Variants in FREM1 observed in about 807,000 individuals in gnomAD.
The protein encoded by FREM1 is FRAS1-related extracellular matrix protein 1.
Under a neutral mutation model 210.1 loss-of-function variants are expected in FREM1, and 220 were observed. The observed-to-expected ratio is 1.05, with a 90% CI of 0.94 to 1.17. The LOEUF (loss-of-function observed/expected upper bound fraction) is 1.17. FREM1 is among the 50% of genes most tolerant of loss of function. The pLI is 0.00. For missense variants in FREM1, 3,454 were observed against 2,675.5 expected (o/e 1.29, Z -6.42); for synonymous variants, 1,189 against 980.2 (o/e 1.21, Z -3.98).
At chr9:14,803,237 TCTCC>T (rs1330473535) in intron 19 of FREM1, among the ~76,000 whole-genome samples, 2 of 126,420 alleles carry the variant, frequency 1.6e-5, no homozygotes, top group Non-Finnish European at 3.6e-5. Context: ...TTTCTTTCTC[TCTCC>T]TTCCTTCCTC....
chr9:14,875,109 T>C (rs921563896), intron 1 of FREM1, among the ~76,000 whole-genome samples: 1 of 152,230 alleles, frequency 6.6e-6, no homozygotes, highest in Non-Finnish European at 1.5e-5. Flanking sequence ...CATTTTTTCC[T>C]TCATGTCAAC....
chr9:14,775,655 C>A, intron 25 of FREM1, 134 bp downstream of exon 25: 1 of 623,566 alleles, frequency 1.6e-6, no homozygotes. Flanking sequence ...TTGAAGTGAG[C>A]CAAGATCACG....
chr9:14,888,440 T>C (rs974956494), intron 1 of FREM1, among the ~76,000 whole-genome samples: 1 of 152,224 alleles, frequency 6.6e-6, no homozygotes, highest in South Asian at 2.1e-4. Context: ...AACAACTTCC[T>C]TTATGGTTCC....
chr9:14,746,648 A>ACCACAGT (rs1318105492), intron 34 of FREM1, among the ~76,000 whole-genome samples, 180 bp from the exon 35 acceptor site: 2 of 152,242 alleles, frequency 1.3e-5, no homozygotes, highest in African/African-American at 4.8e-5. Context: ...AGAAAACACT[A>ACCACAGT]CCACAGTCAG....
At chr9:14,902,771 T>G (rs1839012447) in intron 1 of FREM1, among the ~76,000 whole-genome samples, 1 of 152,178 alleles carries the variant, frequency 6.6e-6, no homozygotes. Flanking sequence ...TGTCACCCCA[T>G]CCTGCTGCCA....
intron 10 of FREM1, among the ~76,000 whole-genome samples, chr9:14,832,439 T>C (rs559000841): frequency 1.3e-5 from 2 of 152,244 alleles, no homozygotes; most frequent in African/African-American, 2.4e-5. Flanking sequence ...ATGTCTCCTA[T>C]AGTAGGCCAA....
At chr9:14,825,831 C>A (rs182949423) in intron 10 of FREM1, among the ~76,000 whole-genome samples, 1 of 152,094 alleles carries the variant, frequency 6.6e-6, no homozygotes, top group East Asian at 1.9e-4. Flanking sequence ...CCACATCCCA[C>A]GCCCAAGTGT....
chr9:14,895,688 T>C (rs932985428), intron 1 of FREM1, among the ~76,000 whole-genome samples: 1 of 151,982 alleles, frequency 6.6e-6, no homozygotes, highest in Admixed American at 6.6e-5. Context: ...TACTAGATGT[T>C]TTCTTAAACA....
chr9:14,871,635 C>T (rs1832700295), intron 1 of FREM1, among the ~76,000 whole-genome samples: 1 of 152,236 alleles, frequency 6.6e-6, no homozygotes, highest in East Asian at 1.9e-4. Flanking sequence ...GTTTCTTTTG[C>T]TGTGCAGAAG....
chr9:14,880,197 A>G (rs1473423364), intron 1 of FREM1, among the ~76,000 whole-genome samples: 1 of 152,208 alleles, frequency 6.6e-6, no homozygotes, highest in African/African-American at 2.4e-5. Context: ...TGTGAGGAAT[A>G]AAGTTCTATT....
chr9:14,840,673 G>C (rs1327342404), intron 10 of FREM1, among the ~76,000 whole-genome samples: 3 of 152,174 alleles, frequency 2.0e-5, no homozygotes, highest in African/African-American at 7.2e-5. Flanking sequence ...GATGAGATTT[G>C]GGTGGGGACA....
rs1265449273 is a variant in FREM1, at chr9:14,867,616, G to C, written c.234+1128C>G. Among the ~76,000 whole-genome samples, 8 of 152,194 alleles carry C rather than the reference G, an allele frequency of 5.3e-5. No individual in the cohort carries two copies. In the East Asian group the frequency reaches 1.5e-3, roughly 29 times the overall value. ...TGGAGTGTCTAGAGACACCAGTTGA[G>C]CTAGTATCCATCTAAGTCTTTTTTT... On this transcript the variant is annotated intron_variant, in intron 2 of 36. Transcript: ENST00000380880.
chr9:14,783,408 C>T (rs111565776), intron 24 of FREM1, among the ~76,000 whole-genome samples: 16 of 152,302 alleles, frequency 1.1e-4, no homozygotes, highest in African/African-American at 3.9e-4. Context: ...CTTTAGAAGA[C>T]TGTATTGTGA....
rs747449968 is a variant in FREM1 at position 14,857,682 on chromosome 9, G to A, written c.699C>T (p.Leu233=). The change falls in exon 5 of 37, where the codon CTC becomes CTT. Residue 233 remains leucine, a synonymous_variant. Transcript: ENST00000380880. ...CTPGLKKIGS[L]KVSCEEFLLM... Reference sequence around the variant, plus strand: ...GCAGGAACTCCTCACAGCTCACTTTGAGGCTTCCTATTTTCTTTAATCCTG... The same window carrying A: ...GCAGGAACTCCTCACAGCTCACTTTAAGGCTTCCTATTTTCTTTAATCCTG... 2 of 1,613,846 alleles carry A rather than the reference G, an allele frequency of 1.2e-6. No individual in the cohort carries two copies. The highest frequency in any genetic ancestry group is 4.5e-5 in the East Asian group (2 of 44,872).
At chr9:14,777,853 G>A (rs1340687804) in intron 24 of FREM1, among the ~76,000 whole-genome samples, 2 of 152,124 alleles carry the variant, frequency 1.3e-5, no homozygotes, top group African/African-American at 4.8e-5. Flanking sequence ...ACGGACTCAG[G>A]GAGGGCAGTT....
chr9:14,770,189 A>C (rs1362668030), intron 26 of FREM1, among the ~76,000 whole-genome samples: 3 of 152,158 alleles, frequency 2.0e-5, no homozygotes, highest in Non-Finnish European at 2.9e-5. Context: ...TGTGCTCATA[A>C]AGTAGAAATA....
In FREM1 at chr9:14,792,857, A is replaced by T. The variant is rs755044525; in HGVS notation, c.3867T>A (p.Gly1289=). 1 of 1,589,070 alleles carries T rather than the reference A, an allele frequency of 6.3e-7. No individual in the cohort carries two copies. The highest frequency in any genetic ancestry group is 1.2e-5 in the South Asian group (1 of 86,390). Residue 1289 remains glycine (G), a synonymous_variant, in exon 22 of 37, where the codon GGT becomes GGA. Coordinates refer to ENST00000380880, the MANE Select transcript of FREM1 (RefSeq NM_001379081.2). ...SKKAEIAMNM[G]ETRIISSAIL... ...TAGCACTGGAAATAATACGAGTTTC[A>T]CCCATATTCATTGCAATTTCAGCCT...
chr9:14,825,547 G>GTGTGTGTGTGTGTATATATA, intron 10 of FREM1, among the ~76,000 whole-genome samples: 2 of 75,906 alleles, frequency 2.6e-5, no homozygotes, highest in Admixed American at 1.5e-4. Context: ...GTGTGTGTGT[G>GTGTGTGTGTGTGTATATATA]TATATATATA....
intron 24 of FREM1, among the ~76,000 whole-genome samples, chr9:14,781,814 T>C (rs111244193): frequency 0.03 from 4,508 of 152,246 alleles, 207 homozygotes; most frequent in African/African-American, 0.1. Flanking sequence ...AGCAATTCTC[T>C]TGCCACAGCC....
Sources: allele counts gnomAD v4.1 joint callset (sites outside exome capture counted in the v4.1 genomes callset), GRCh38; gene constraint gnomAD v4.1.1; transcripts MANE v1.5; gene names NCBI Gene and HGNC (gene_info 2026-07-23, HGNC 2026-07-21).